XYLT1: variants seen among roughly 807,000 people sequenced by gnomAD.
XYLT1 encodes the protein beta-D-xylosyltransferase 1.
A neutral mutation model predicts 91.3 loss-of-function variants in XYLT1; 36 were observed. That is an observed-to-expected ratio of 0.39 (90% CI 0.30 to 0.52). XYLT1 has a LOEUF of 0.52. Ranked by LOEUF, XYLT1 falls within the 20% of genes least tolerant of loss-of-function variation. XYLT1 has a pLI of 0.68. For missense variants in XYLT1, 1,242 were observed against 1,284.5 expected, an observed-to-expected ratio of 0.97 and a Z score of 0.51; for synonymous variants, 588 against 532.0, an observed-to-expected ratio of 1.11 and a Z score of -1.45.
At chr16:17,337,773 T>C (rs1596489463) in intron 2 of XYLT1, among the ~76,000 whole-genome samples, 1 of 104,538 alleles carries the variant, frequency 9.6e-6, no homozygotes, top group Non-Finnish European at 1.9e-5. Flanking sequence ...TCCACATTTT[T>C]TCTTTTTCTT....
At chr16:17,271,758 C>T (rs1004979186) in intron 2 of XYLT1, among the ~76,000 whole-genome samples, 4 of 152,136 alleles carry the variant, frequency 2.6e-5, no homozygotes, top group South Asian at 2.1e-4. Context: ...TTCCCACCCC[C>T]GACCCCTGCT....
intron 1 of XYLT1, among the ~76,000 whole-genome samples, chr16:17,377,113 G>T (rs758342481): frequency 4.0e-5 from 6 of 148,952 alleles, no homozygotes; most frequent in Non-Finnish European, 8.8e-5. Flanking sequence ...GAAGGTGGAG[G>T]GTGCAGTGAG....
intron 2 of XYLT1, among the ~76,000 whole-genome samples, chr16:17,288,153 T>G (rs893794873): frequency 1.3e-5 from 2 of 151,842 alleles, no homozygotes; most frequent in Non-Finnish European, 2.9e-5. Flanking sequence ...GGTCTCAAAC[T>G]CCTGAGCTCA....
At chr16:17,327,138 A>G (rs945284578) in intron 2 of XYLT1, among the ~76,000 whole-genome samples, 1 of 152,244 alleles carries the variant, frequency 6.6e-6, no homozygotes, top group African/African-American at 2.4e-5. Context: ...TCATCACACA[A>G]TGTATGTGTA....
In XYLT1 at chr16:17,402,816, C is replaced by T. The variant is rs563338231; in HGVS notation, c.364-44766G>A. Among the ~76,000 whole-genome samples, 3 of 150,224 alleles carry T rather than the reference C, an allele frequency of 2.0e-5. No individual in the cohort carries two copies. In the South Asian group the frequency reaches 6.3e-4, roughly 32 times the overall value. ...GGAGTGCAGTGGCATGATCACAGCT[C>T]ACTGAAACCTCAACCTCCTGGGCTC... On this transcript the variant is annotated intron_variant, in intron 1 of 11. Coordinates refer to ENST00000261381, the MANE Select transcript of XYLT1 (RefSeq NM_022166.4).
intron 1 of XYLT1, among the ~76,000 whole-genome samples, chr16:17,376,168 C>T (rs2035598558): frequency 6.6e-6 from 1 of 152,202 alleles, no homozygotes; most frequent in Non-Finnish European, 1.5e-5. Flanking sequence ...GTTTTGTCCC[C>T]CAGGGAACAT....
intron 1 of XYLT1, among the ~76,000 whole-genome samples, chr16:17,458,984 C>T (rs1173928691): frequency 6.6e-6 from 1 of 151,890 alleles, no homozygotes; most frequent in African/African-American, 2.4e-5. Flanking sequence ...CGGATGTGTT[C>T]AGTTTGTGAG....
chr16:17,139,376 C>T (rs1251323569), intron 7 of XYLT1, among the ~76,000 whole-genome samples: 1 of 152,114 alleles, frequency 6.6e-6, no homozygotes, highest in Non-Finnish European at 1.5e-5. Flanking sequence ...GGCAGAGATG[C>T]AGGAGGTGGG....
chr16:17,110,420 G>C (rs1274227524), intron 11 of XYLT1, among the ~76,000 whole-genome samples: 1 of 152,194 alleles, frequency 6.6e-6, no homozygotes, highest in Non-Finnish European at 1.5e-5. Flanking sequence ...GAATAAGTAA[G>C]TCTCATGAGA....
In XYLT1 at chr16:17,167,544, A is replaced by G. The variant is rs184211194; in HGVS notation, c.1290-8635T>C. Among the ~76,000 whole-genome samples the G allele has an allele frequency of 8.9e-4, 132 of 148,974 alleles. 1 individual carries two copies. Among genetic ancestry groups the G allele is most frequent in the African/African-American group, 1.8e-3 (71 of 40,114 alleles). On this transcript the variant is annotated intron_variant, in intron 5 of 11. Transcript: ENST00000261381. The stretch of plus-strand genomic sequence containing the variant: ...ACCCATCCTTCCATCTCGTGAACGG[A>G]TTCTAACCCATCCTTCCATCTCGTG...
chr16:17,159,930 C>A (rs1490659983), intron 5 of XYLT1, among the ~76,000 whole-genome samples: 1 of 152,232 alleles, frequency 6.6e-6, no homozygotes, highest in Non-Finnish European at 1.5e-5. Flanking sequence ...GCTCCTTTAT[C>A]ACCAGCCTTC....
At chr16:17,275,675 T>A (rs191100950) in intron 2 of XYLT1, among the ~76,000 whole-genome samples, 1 of 152,166 alleles carries the variant, frequency 6.6e-6, no homozygotes, top group African/African-American at 2.4e-5. Flanking sequence ...CCTATACACC[T>A]TCTCTGTCTC....
chr16:17,112,932 T>G (rs942420105), intron 11 of XYLT1, among the ~76,000 whole-genome samples: 1 of 150,048 alleles, frequency 6.7e-6, no homozygotes, highest in African/African-American at 2.5e-5. Context: ...CTCCACCTCC[T>G]GGGTTCAAGC....
intron 6 of XYLT1, among the ~76,000 whole-genome samples, chr16:17,150,676 A>G (rs1318462555): frequency 6.6e-6 from 1 of 152,348 alleles, no homozygotes; most frequent in African/African-American, 2.4e-5. Flanking sequence ...ATCAAGCCTT[A>G]GTGTCAGGCT....
At chr16:17,124,335 C>A (rs1009979078) in intron 10 of XYLT1, among the ~76,000 whole-genome samples, 3 of 152,162 alleles carry the variant, frequency 2.0e-5, no homozygotes, top group Non-Finnish European at 4.4e-5. Context: ...GGTGAATTAT[C>A]TTAGCATTTT....
intron 6 of XYLT1, among the ~76,000 whole-genome samples, chr16:17,142,879 T>C (rs916695425): frequency 1.3e-5 from 2 of 152,216 alleles, no homozygotes; most frequent in African/African-American, 4.8e-5. Flanking sequence ...TACTGTGATT[T>C]GTTACCTACC....
intron 5 of XYLT1, among the ~76,000 whole-genome samples, chr16:17,195,569 C>T (rs1459543653): frequency 6.6e-6 from 1 of 152,098 alleles, no homozygotes; most frequent in Non-Finnish European, 1.5e-5. Flanking sequence ...CCTCAGCCTC[C>T]CAAGTAGGGG....
Position 17,470,584 on chromosome 16 carries a change from G to A in XYLT1, c.213C>T (p.Pro71=), listed in dbSNP as rs999574381. 8.4e-7 allele frequency: 1 copy of A among 1,191,860 alleles called. No individual in the cohort carries two copies. Among genetic ancestry groups the A allele is most frequent in the Admixed American group, 4.5e-5 (1 of 22,086 alleles). 73.8% of individuals were successfully genotyped at this position (1,191,860 alleles called of 1,614,324 possible). A position where few individuals can be genotyped will look rare whatever the true frequency, so the allele number is the denominator to read the frequency against. ...PAPRRERRDL[P]AEPAAARGGG... is the part of the protein sequence containing the mutation. The stretch of plus-strand genomic sequence containing the variant: ...CTCCTCGGGCTGCAGCCGGCTCGGC[G>A]GGCAGGTCCCGGCGCTCCCGGCGCG... The change falls in exon 1 of 12, where the codon CCC becomes CCT. Residue 71 remains proline, a synonymous_variant. Coordinates refer to ENST00000261381, the MANE Select transcript of XYLT1 (RefSeq NM_022166.4).
At chr16:17,118,000 C>T (rs1241392563) in intron 10 of XYLT1, 21 bp from the exon 11 acceptor site, 2 of 1,594,878 alleles carry the variant, frequency 1.3e-6, no homozygotes, top group East Asian at 4.5e-5. Context: ...GGAGTGAATT[C>T]TGAAGTCACT....
Sources: allele counts gnomAD v4.1 joint callset (sites outside exome capture counted in the v4.1 genomes callset), GRCh38; gene constraint gnomAD v4.1.1; transcripts MANE v1.5; gene names NCBI Gene and HGNC (gene_info 2026-07-23, HGNC 2026-07-21).